The following SYNDIG1 variants were observed in gnomAD, a reference collection of about 807,000 sequenced individuals.
SYNDIG1 encodes synapse differentiation-inducing gene protein 1.
A neutral mutation model predicts 19.4 loss-of-function variants in SYNDIG1; 9 were observed. The observed-to-expected ratio is 0.46, with a 90% CI of 0.28 to 0.81. The LOEUF is 0.81. SYNDIG1 is among the 30% of genes least tolerant of loss of function. SYNDIG1 has a pLI of 0.12. For missense variants in SYNDIG1, 311 were observed against 343.3 expected (o/e 0.91, Z 0.74); for synonymous variants, 141 against 145.9 (o/e 0.97, Z 0.24).
At chr20:24,513,849 G>GA (rs1298249057) in intron 1 of SYNDIG1, among the ~76,000 whole-genome samples, 1 of 152,138 alleles carries the variant, frequency 6.6e-6, no homozygotes, top group Admixed American at 6.5e-5. Flanking sequence ...TGAAATGAAG[G>GA]AAAAAATGTT....
intron 3 of SYNDIG1, among the ~76,000 whole-genome samples, chr20:24,654,201 T>C (rs1330390564): frequency 1.3e-5 from 2 of 152,018 alleles, no homozygotes; most frequent in African/African-American, 4.8e-5. Flanking sequence ...TGATCTTTAA[T>C]GTTAAATAAC....
intron 3 of SYNDIG1, among the ~76,000 whole-genome samples, chr20:24,651,178 T>G (rs1568716453): frequency 6.6e-6 from 1 of 152,202 alleles, no homozygotes; most frequent in Non-Finnish European, 1.5e-5. Context: ...TGTTTACTCT[T>G]AAGGCCAACA....
chr20:24,609,053 C>T (rs1004001504), intron 3 of SYNDIG1, among the ~76,000 whole-genome samples: 13 of 152,138 alleles, frequency 8.5e-5, no homozygotes, highest in Admixed American at 4.6e-4. Context: ...ATTTTACGTA[C>T]GTCTCAGTGT....
At chr20:24,560,478 T>C (rs1205684993) in intron 2 of SYNDIG1, among the ~76,000 whole-genome samples, 2 of 152,190 alleles carry the variant, frequency 1.3e-5, no homozygotes, top group Non-Finnish European at 1.5e-5. Flanking sequence ...TTGTGAATTT[T>C]CATTTCATAT....
intron 3 of SYNDIG1, among the ~76,000 whole-genome samples, chr20:24,608,959 C>T (rs1303661728): frequency 6.6e-6 from 1 of 152,198 alleles, no homozygotes; most frequent in Non-Finnish European, 1.5e-5. Flanking sequence ...TTGGTGCAAG[C>T]CAAACCTACA....
At chr20:24,476,444 G>A (rs1008424796) in intron 1 of SYNDIG1, among the ~76,000 whole-genome samples, 2 of 152,112 alleles carry the variant, frequency 1.3e-5, no homozygotes, top group African/African-American at 4.8e-5. Flanking sequence ...AAGGCGGGCA[G>A]ATCCCTTGAG....
At chr20:24,562,599 GATA>G (rs1380506129) in intron 2 of SYNDIG1, among the ~76,000 whole-genome samples, 1 of 152,168 alleles carries the variant, frequency 6.6e-6, no homozygotes, top group African/African-American at 2.4e-5. Context: ...GAATCTCCCA[GATA>G]ATAATACAAG....
rs559455745 is a variant in SYNDIG1, at chr20:24,521,815, G to T, written c.-78-21205G>T. 2.0e-5 allele frequency among the ~76,000 whole-genome samples: 3 copies of T among 150,758 alleles called. No homozygotes were observed. In the South Asian group the frequency reaches 6.3e-4, roughly 32 times the overall value. On this transcript the variant is annotated intron_variant, in intron 1 of 3. Coordinates refer to ENST00000376862, the MANE Select transcript of SYNDIG1 (RefSeq NM_024893.3). Reference sequence around the variant, plus strand: ...CTCGGGAGGCTGACGCAGGAGAATCGCTTGAACCCAGGAGGCAGAGGTTGT... The same window carrying T: ...CTCGGGAGGCTGACGCAGGAGAATCTCTTGAACCCAGGAGGCAGAGGTTGT...
At chr20:24,535,703 C>T (rs1176471996) in intron 1 of SYNDIG1, among the ~76,000 whole-genome samples, 1 of 152,098 alleles carries the variant, frequency 6.6e-6, no homozygotes, top group Non-Finnish European at 1.5e-5. Flanking sequence ...AGGGTGACAC[C>T]ACTCTGAGTC....
chr20:24,550,952 A>G (rs991407217), intron 2 of SYNDIG1, among the ~76,000 whole-genome samples: 13 of 152,094 alleles, frequency 8.5e-5, no homozygotes, highest in African/African-American at 3.1e-4. Context: ...TTCATGAGGG[A>G]TGTTGATCTG....
intron 3 of SYNDIG1, among the ~76,000 whole-genome samples, chr20:24,647,951 G>T (rs1405222948): frequency 2.0e-5 from 3 of 151,876 alleles, no homozygotes; most frequent in African/African-American, 4.8e-5. Flanking sequence ...TCTGGGGAGG[G>T]CTCTCTTCCA....
intron 2 of SYNDIG1, among the ~76,000 whole-genome samples, chr20:24,545,558 G>A (rs557196976): frequency 5.9e-5 from 9 of 152,262 alleles, no homozygotes; most frequent in East Asian, 1.9e-4. Flanking sequence ...AGCTCAATGC[G>A]GGGTTCAGAA....
chr20:24,547,196 T>C (rs1286816395), intron 2 of SYNDIG1, among the ~76,000 whole-genome samples: 4 of 152,224 alleles, frequency 2.6e-5, no homozygotes, highest in Non-Finnish European at 4.4e-5. Flanking sequence ...GCTCCCTTGC[T>C]GGAGCTCCTG....
chr20:24,492,892 A>G (rs1254741706), intron 1 of SYNDIG1, among the ~76,000 whole-genome samples: 2 of 152,234 alleles, frequency 1.3e-5, no homozygotes, highest in African/African-American at 4.8e-5. Flanking sequence ...CAGGAATTCA[A>G]GGTGCTGATG....
intron 2 of SYNDIG1, among the ~76,000 whole-genome samples, chr20:24,551,416 G>C (rs904160340): frequency 1.3e-5 from 2 of 151,810 alleles, no homozygotes; most frequent in African/African-American, 4.8e-5. Context: ...TCATTTTTTG[G>C]ATCTTTTCAA....
intron 3 of SYNDIG1, among the ~76,000 whole-genome samples, chr20:24,650,257 C>T (rs1405084544): frequency 6.6e-6 from 1 of 152,216 alleles, no homozygotes; most frequent in Non-Finnish European, 1.5e-5. Flanking sequence ...AAGAGTGAAC[C>T]AGCTAGAAAG....
chr20:24,526,667 G>C (rs1249026489), intron 1 of SYNDIG1, among the ~76,000 whole-genome samples: 4 of 152,124 alleles, frequency 2.6e-5, no homozygotes, highest in Non-Finnish European at 5.9e-5. Context: ...ATAAGTCCTT[G>C]TATCTCAGGT....
chr20:24,486,009 G>T (rs954611798), intron 1 of SYNDIG1, among the ~76,000 whole-genome samples: 1 of 152,186 alleles, frequency 6.6e-6, no homozygotes, highest in African/African-American at 2.4e-5. Context: ...GATTTAATGA[G>T]AACTTAACTC....
chr20:24,527,752 G>A (rs115075483), intron 1 of SYNDIG1, among the ~76,000 whole-genome samples: 1,789 of 152,276 alleles, frequency 0.012, 40 homozygotes, highest in African/African-American at 0.041. Context: ...TTCTCAGAGT[G>A]TGGTCCCTGG....
Sources: allele counts gnomAD v4.1 joint callset (sites outside exome capture counted in the v4.1 genomes callset), GRCh38; gene constraint gnomAD v4.1.1; transcripts MANE v1.5; gene names NCBI Gene and HGNC (gene_info 2026-07-23, HGNC 2026-07-21).